Variants in FPGS observed in about 807,000 individuals in gnomAD.
FPGS encodes the protein folylpolyglutamate synthase, mitochondrial.
FPGS carries 53 observed loss-of-function variants against 66.5 expected under a neutral mutation model. The ratio of observed to expected loss-of-function variants is 0.80; its 90% confidence interval spans 0.64 to 1.00. The LOEUF (loss-of-function observed/expected upper bound fraction) is 1.00, where lower values mean the gene tolerates loss of function less well. FPGS is among the 50% of genes least tolerant of loss of function. The pLI is 0.00. For synonymous variants in FPGS, 348 were observed against 350.9 expected, an observed-to-expected ratio of 0.99 and a Z score of 0.09; for missense variants, 702 against 807.7, an observed-to-expected ratio of 0.87 and a Z score of 1.59.
chr9:127,804,775 A>G, intron 4 of FPGS, 75 bp downstream of exon 4: 1 of 1,457,220 alleles, frequency 6.9e-7, no homozygotes, highest in Non-Finnish European at 9.6e-7. Flanking sequence ...CCAGTGCTTC[A>G]GGACCAGGGT....
rs1374103035 is a variant in FPGS, at chr9:127,807,583, C to T, written c.642-3C>T. On this transcript the variant is annotated splice_polypyrimidine_tract_variant and splice_region_variant and intron_variant, in intron 7 of 14. Transcript: ENST00000373247. The surrounding 1 kb of genome is among the most constrained non-coding windows in gnomAD (Gnocchi z 5.8). ...GGCCTCATGGCCTTTTCCTCCCCTG[C>T]AGGAAGCCTGTGGTGTGCGGAGTCT... 1.2e-6 allele frequency: 2 copies of T among 1,613,362 alleles called. No homozygotes were observed. Among genetic ancestry groups the T allele is most frequent in the East Asian group, 4.5e-5 (2 of 44,882 alleles).
At position 127,813,485 on chromosome 9, in the gene FPGS, G is replaced by C; in HGVS notation, c.1645G>C (p.Val549Leu). The change falls in exon 15 of 15, where the codon GTG (valine) becomes CTG (leucine). Residue 549 changes from valine to leucine, a missense_variant. By Grantham distance (32) the Val-to-Leu change is conservative. Coordinates refer to ENST00000373247, the MANE Select transcript of FPGS (RefSeq NM_004957.6). Reference protein sequence around the residue: ...SPPKGLLTHPVAHSGASILRE... With the variant: ...SPPKGLLTHPLAHSGASILRE... ...CCCAAAGGGCCTCCTCACCCACCCTGTGGCTCACAGTGGGGCCAGCATACT... is the reference window on the plus strand; with the variant it reads ...CCCAAAGGGCCTCCTCACCCACCCTCTGGCTCACAGTGGGGCCAGCATACT... 6.2e-7 allele frequency: 1 copy of C among 1,613,178 alleles called. No homozygotes were observed. Among genetic ancestry groups the C allele is most frequent in the Non-Finnish European group, 8.5e-7 (1 of 1,179,742 alleles).
In FPGS at chr9:127,809,711, G is replaced by T; in HGVS notation, c.1088G>T (p.Arg363Leu). The T allele has an allele frequency of 6.3e-7, 1 of 1,588,844 alleles. No individual in the cohort carries two copies. The change falls in exon 12 of 15, where the codon CGG (arginine) becomes CTG (leucine). Residue 363 changes from arginine to leucine, a missense_variant. By Grantham distance (102) the Arg-to-Leu change is moderately radical. Coordinates refer to ENST00000373247, the MANE Select transcript of FPGS (RefSeq NM_004957.6). ...CTTCGGAACACGGAGTGGCCGGGCC[G>T]GACGCAGGTGCTGCGGCGCGGGCCC... ...LGLRNTEWPG[R>L]TQVLRRGPLT...
At chr9:127,805,714 G>A (rs1215727087) in intron 4 of FPGS, among the ~76,000 whole-genome samples, 2 of 152,214 alleles carry the variant, frequency 1.3e-5, no homozygotes, top group Non-Finnish European at 2.9e-5. Flanking sequence ...CCTTGCAAGG[G>A]CTTAAACGAT....
At chr9:127,804,890 AT>A (rs771028462) in intron 4 of FPGS, 190 bp downstream of exon 4, 41,143 of 472,220 alleles carry the variant, frequency 0.087, no homozygotes, top group South Asian at 0.11. Context: ...GCAACCTTTA[AT>A]TTTTTTTTTT....
At chr9:127,808,455 C>T in intron 9 of FPGS, 103 bp from the exon 10 acceptor site, 16 of 1,545,898 alleles carry the variant, frequency 1.0e-5, no homozygotes, top group Non-Finnish European at 1.4e-5. Flanking sequence ...GAACACATCT[C>T]AGTTCTGGGA....
downstream of FPGS, chr9:127,814,227 AG>A: frequency 1.1e-6 from 1 of 877,632 alleles, no homozygotes; most frequent in Non-Finnish European, 1.4e-6. Flanking sequence ...CTGTGAGATG[AG>A]AAGAAGACCA....
At chr9:127,812,852 C>T (rs1301189376) in intron 14 of FPGS, among the ~76,000 whole-genome samples, 1 of 152,154 alleles carries the variant, frequency 6.6e-6, no homozygotes, top group Non-Finnish European at 1.5e-5. Context: ...TAACCAGCAT[C>T]CCCAGAAATA....
Position 127,813,374 on chromosome 9 carries a change from G to A in FPGS, c.1534G>A (p.Ala512Thr), listed in dbSNP as rs1430716550. Residue 512 changes from alanine to threonine, a missense_variant, in exon 15 of 15, where the codon GCC (alanine) becomes ACC (threonine). Ala to Thr is a moderately conservative substitution (Grantham distance 58). This residue lies in a region of FPGS where 351 missense variants were observed against 363.7 expected (regional missense o/e 0.97). Transcript: ENST00000373247. ...LAPHPPHTCSASSLVFSCISH... is the reference protein window; with the variant it reads ...LAPHPPHTCSTSSLVFSCISH... ...GCCCCACCCACCCCACACCTGCAGT[G>A]CCAGCTCCCTCGTCTTCAGCTGCAT... 1.9e-6 allele frequency: 3 copies of A among 1,611,832 alleles called. No homozygotes were observed. Among genetic ancestry groups the A allele is most frequent in the Admixed American group, 1.7e-5 (1 of 59,876 alleles).
At position 127,808,713 on chromosome 9, in the gene FPGS, G is replaced by C; in HGVS notation, c.970+8G>C. 1.3e-6 allele frequency: 2 copies of C among 1,578,742 alleles called. No individual in the cohort carries two copies. Among genetic ancestry groups the C allele is most frequent in the Non-Finnish European group, 1.7e-6 (2 of 1,162,428 alleles). On this transcript the variant is annotated splice_region_variant and intron_variant, in intron 10 of 14. Transcript: ENST00000373247. ...AGCGGCAGGACCGCCATGGTGAGTG[G>C]GCAGCTGAGTGGGCAGGCAGGTGGG... is the stretch of plus-strand genomic sequence containing the variant.
chr9:127,814,291 C>A, downstream of FPGS: 1 of 304,300 alleles, frequency 3.3e-6, no homozygotes, highest in Non-Finnish European at 4.8e-6. Context: ...GACCCCCTTG[C>A]AGAGACCTTG....
chr9:127,809,731 G>A lies in FPGS; in HGVS notation c.1108G>A (p.Gly370Arg), dbSNP rs894305055. 6.3e-7 allele frequency: 1 copy of A among 1,587,610 alleles called. No homozygotes were observed. Among genetic ancestry groups the A allele is most frequent in the Non-Finnish European group, 8.5e-7 (1 of 1,175,388 alleles). Residue 370 changes from glycine to arginine, a missense_variant, in exon 12 of 15, where the codon GGG becomes AGG. Coordinates refer to ENST00000373247, the MANE Select transcript of FPGS (RefSeq NM_004957.6). ...GGGCCGGACGCAGGTGCTGCGGCGC[G>A]GGCCCCTCACCTGGTACCTGGACGG... ...WPGRTQVLRRGPLTWYLDGAH... is the reference protein window; with the variant it reads ...WPGRTQVLRRRPLTWYLDGAH...
chr9:127,809,542 T>G (rs1251116785), intron 11 of FPGS, 142 bp from the exon 12 acceptor site: 2 of 705,714 alleles, frequency 2.8e-6, no homozygotes, highest in Non-Finnish European at 4.3e-6. Flanking sequence ...CTGGTGCTAG[T>G]AAAAAGTTCC....
intron 1 of FPGS, among the ~76,000 whole-genome samples, chr9:127,803,882 G>A (rs1009148834): frequency 6.6e-6 from 1 of 152,150 alleles, no homozygotes; most frequent in Non-Finnish European, 1.5e-5. Flanking sequence ...GAGCTTCGGG[G>A]AACTCCAGAA....
Position 127,808,638 on chromosome 9 carries a change from C to T in FPGS, c.903C>T (p.His301=). The T allele has an allele frequency of 6.2e-7, 1 of 1,610,310 alleles. No homozygotes were observed. Among genetic ancestry groups the T allele is most frequent in the Non-Finnish European group, 8.5e-7 (1 of 1,178,944 alleles). Reference sequence around the variant, plus strand: ...TGACCCTGGGCCTGGAGGGGGAGCACCAGCGGTCCAACGCCGCCTTGGCCT... The same window carrying T: ...TGACCCTGGGCCTGGAGGGGGAGCATCAGCGGTCCAACGCCGCCTTGGCCT... ...PPLTLGLEGE[H]QRSNAALALQ... The change falls in exon 10 of 15, where the codon CAC becomes CAT. Residue 301 remains histidine, a synonymous_variant. Coordinates refer to ENST00000373247, the MANE Select transcript of FPGS (RefSeq NM_004957.6).
intron 14 of FPGS, 29 bp from the exon 15 acceptor site, chr9:127,813,166 G>T (rs375361358): frequency 2.6e-6 from 4 of 1,530,836 alleles, no homozygotes; most frequent in African/African-American, 2.8e-5. Context: ...TCTCCCCTTC[G>T]CTGATAGGCC....
At position 127,809,902 on chromosome 9, in the gene FPGS, CG is replaced by C. The variant is rs1829992188; in HGVS notation, c.1211+72del. On this transcript the variant is annotated intron_variant, in intron 12 of 14. Transcript: ENST00000373247. ...GGAGGGGCGGGATCTTGGGGAAGGG[CG>C]GGGCGGGGTCGTGGGGAAGGGCGGG... The C allele has an allele frequency of 1.3e-5, 4 of 301,230 alleles. 1 individual carries two copies. Among genetic ancestry groups the C allele is most frequent in the South Asian group, 4.6e-5 (2 of 43,218 alleles). 18.7% of individuals were successfully genotyped at this position (301,230 alleles called of 1,614,324 possible). A position where few individuals can be genotyped will look rare whatever the true frequency, so the allele number is the denominator to read the frequency against.
chr9:127,808,037 C>T (rs1306270373), intron 8 of FPGS, 197 bp from the exon 9 acceptor site: 4 of 585,704 alleles, frequency 6.8e-6, no homozygotes, highest in Non-Finnish European at 1.2e-5. Flanking sequence ...ACCCGGGAGG[C>T]AGACGTTGCA....
chr9:127,813,664 TTACA>T lies in FPGS; in HGVS notation c.*64_*67del. ...ACCTGCCTGCGTTCTCCCCATGAAC[TTACA>T]TACTAGGTGCCTTTTGTTTTTGGCT... On this transcript the variant is annotated 3_prime_UTR_variant, in exon 15 of 15. Transcript: ENST00000373247. The T allele has an allele frequency of 6.8e-7, 1 of 1,474,542 alleles. No individual in the cohort carries two copies. 91.3% of individuals were successfully genotyped at this position (1,474,542 alleles called of 1,614,324 possible). A position where few individuals can be genotyped will look rare whatever the true frequency, so the allele number is the denominator to read the frequency against.
Sources: allele counts gnomAD v4.1 joint callset (sites outside exome capture counted in the v4.1 genomes callset), GRCh38; gene constraint gnomAD v4.1.1; regional missense constraint gnomAD v4.1.1; non-coding constraint Gnocchi (gnomAD v3.1); transcripts MANE v1.5; gene names NCBI Gene and HGNC (gene_info 2026-07-23, HGNC 2026-07-21).